The following UVRAG variants were observed in gnomAD, a reference collection of about 807,000 sequenced individuals.
The protein encoded by UVRAG is UV radiation resistance associated, also known as UV radiation resistance-associated gene protein.
Under a neutral mutation model 78.0 loss-of-function variants are expected in UVRAG, and 19 were observed. The observed-to-expected ratio is 0.24, with a 90% confidence interval of 0.17 to 0.36. The LOEUF (loss-of-function observed/expected upper bound fraction) is 0.36. Ranked by LOEUF, UVRAG falls within the 10% of genes least tolerant of loss-of-function variation. UVRAG has a pLI of 1.00. For synonymous variants in UVRAG, 323 were observed against 324.6 expected, an observed-to-expected ratio of 1.00 and a Z score of 0.05; for missense variants, 740 against 853.8, an observed-to-expected ratio of 0.87 and a Z score of 1.66.
At chr11:76,102,066 C>G (rs1951888935) in intron 13 of UVRAG, among the ~76,000 whole-genome samples, 1 of 152,090 alleles carries the variant, frequency 6.6e-6, no homozygotes, top group Non-Finnish European at 1.5e-5. Flanking sequence ...TATTCAGCCT[C>G]TTTTTTGGTT....
chr11:76,041,214 G>A lies in UVRAG; in HGVS notation c.1226+24234G>A, dbSNP rs557472783. On this transcript the variant is annotated intron_variant, in intron 12 of 14. Transcript: ENST00000356136. ...ATATTATGGTCTGATGGATTTATTG[G>A]GACAAGATCGTACGCAATTGTGGAA... Among the ~76,000 whole-genome samples the A allele has an allele frequency of 3.4e-5, 5 of 149,084 alleles. No homozygotes were observed. The South Asian group carries it at 1.0e-3, about 31-fold the overall frequency.
At chr11:76,034,814 T>C (rs1341368945) in intron 12 of UVRAG, among the ~76,000 whole-genome samples, 1 of 152,194 alleles carries the variant, frequency 6.6e-6, no homozygotes, top group East Asian at 1.9e-4. Flanking sequence ...ATGATGCTCA[T>C]TAGTTACTCC....
At chr11:75,978,830 G>A in intron 7 of UVRAG, among the ~76,000 whole-genome samples, 1 of 152,084 alleles carries the variant, frequency 6.6e-6, no homozygotes, top group East Asian at 1.9e-4. Context: ...CTTTAGCTTG[G>A]AGAATTTTGT....
At chr11:76,066,930 T>A (rs1016125725) in intron 13 of UVRAG, among the ~76,000 whole-genome samples, 4 of 152,150 alleles carry the variant, frequency 2.6e-5, no homozygotes, top group East Asian at 1.9e-4. Flanking sequence ...GTAATAAGAT[T>A]TACGATGCTT....
At chr11:76,138,699 C>T (rs1300372838) in intron 14 of UVRAG, among the ~76,000 whole-genome samples, 1 of 152,232 alleles carries the variant, frequency 6.6e-6, no homozygotes, top group Non-Finnish European at 1.5e-5. Flanking sequence ...GCACCTGGCT[C>T]TAGCCACACA....
intron 4 of UVRAG, among the ~76,000 whole-genome samples, chr11:75,887,154 CT>C (rs1177274429): frequency 7.1e-6 from 1 of 140,448 alleles, no homozygotes; most frequent in Admixed American, 7.1e-5. Context: ...TTCTTTCTTT[CT>C]TTTTTTTTGA....
chr11:76,081,212 CTCTT>C (rs1344888209), intron 13 of UVRAG, among the ~76,000 whole-genome samples: 1 of 151,800 alleles, frequency 6.6e-6, no homozygotes, highest in Non-Finnish European at 1.5e-5. Flanking sequence ...GCCAGTCTCT[CTCTT>C]TTTTTTTTTG....
chr11:75,888,349 G>T (rs1947139405), intron 4 of UVRAG, among the ~76,000 whole-genome samples: 1 of 151,912 alleles, frequency 6.6e-6, no homozygotes, highest in African/African-American at 2.4e-5. Flanking sequence ...TTGCTATGTT[G>T]CCCAGGCTGG....
At chr11:76,012,798 TG>T (rs1361679749) in intron 11 of UVRAG, 4 of 6,812 alleles carry the variant, frequency 5.9e-4, no homozygotes, top group East Asian at 8.3e-3. Context: ...AAAAAATGTT[TG>T]TGTGTGTGTG....
chr11:76,007,514 A>G lies in UVRAG; in HGVS notation c.912-20A>G, dbSNP rs753229417. On this transcript the variant is annotated intron_variant, in intron 9 of 14. Coordinates refer to ENST00000356136, the MANE Select transcript of UVRAG (RefSeq NM_003369.4). ...CAAGCATATATTTTTTAATAAATGT[A>G]TTTTTTCTTTCCTCATTAGAGAACT... The G allele has an allele frequency of 2.0e-5, 31 of 1,573,586 alleles. No homozygotes were observed. In the African/African-American group the frequency reaches 2.3e-4, roughly 12 times the overall value.
At chr11:75,980,936 C>T (rs535319538) in intron 7 of UVRAG, among the ~76,000 whole-genome samples, 1 of 152,210 alleles carries the variant, frequency 6.6e-6, no homozygotes, top group South Asian at 2.1e-4. Context: ...GTGCCTCAGT[C>T]TCCCAAAGTG....
intron 13 of UVRAG, among the ~76,000 whole-genome samples, chr11:76,084,503 T>A (rs570663668): frequency 1.3e-5 from 2 of 152,196 alleles, no homozygotes; most frequent in African/African-American, 4.8e-5. Context: ...ATACATACTA[T>A]CATTTATTTT....
At chr11:76,096,525 C>A (rs1951787387) in intron 13 of UVRAG, among the ~76,000 whole-genome samples, 2 of 152,160 alleles carry the variant, frequency 1.3e-5, no homozygotes, top group Admixed American at 6.5e-5. Context: ...AGCTGCCCAA[C>A]AATGGAATGG....
chr11:76,080,671 A>G (rs1221824955), intron 13 of UVRAG, among the ~76,000 whole-genome samples: 1 of 152,236 alleles, frequency 6.6e-6, no homozygotes, highest in African/African-American at 2.4e-5. Flanking sequence ...TCCAGCAGAT[A>G]CAGAAATTTC....
chr11:76,101,255 A>G (rs1171577191), intron 13 of UVRAG, among the ~76,000 whole-genome samples: 1 of 151,942 alleles, frequency 6.6e-6, no homozygotes, highest in African/African-American at 2.4e-5. Flanking sequence ...CTTTGCCAGC[A>G]TCTATTTTTT....
intron 13 of UVRAG, among the ~76,000 whole-genome samples, chr11:76,082,041 C>G (rs115025298): frequency 4.1e-4 from 62 of 150,566 alleles, no homozygotes; most frequent in African/African-American, 1.5e-3. Flanking sequence ...TACAAAAAAA[C>G]AAGGGTAGTG....
At chr11:75,990,054 T>C (rs1949576074) in intron 8 of UVRAG, among the ~76,000 whole-genome samples, 1 of 152,252 alleles carries the variant, frequency 6.6e-6, no homozygotes, top group African/African-American at 2.4e-5. Flanking sequence ...GAAAACCTAC[T>C]GTGGCAAGAG....
chr11:75,853,509 T>C (rs1423229949), intron 2 of UVRAG, among the ~76,000 whole-genome samples: 2 of 151,980 alleles, frequency 1.3e-5, no homozygotes, highest in Admixed American at 6.6e-5. Context: ...TACGGGCACA[T>C]GCCACCACGC....
At chr11:75,847,712 C>A (rs1349286008) in intron 1 of UVRAG, among the ~76,000 whole-genome samples, 1 of 152,118 alleles carries the variant, frequency 6.6e-6, no homozygotes, top group African/African-American at 2.4e-5. Context: ...TGGCTCACGC[C>A]TGTAATCCCA....
Sources: allele counts gnomAD v4.1 joint callset (sites outside exome capture counted in the v4.1 genomes callset), GRCh38; gene constraint gnomAD v4.1.1; transcripts MANE v1.5; gene names NCBI Gene and HGNC (gene_info 2026-07-23, HGNC 2026-07-21).